Variants in PIK3C2G observed in about 807,000 individuals in gnomAD.
PIK3C2G encodes the protein phosphatidylinositol 3-kinase C2 domain-containing subunit gamma.
A neutral mutation model predicts 181.1 loss-of-function variants in PIK3C2G; 168 were observed. That is an observed-to-expected ratio of 0.93 (90% CI 0.82 to 1.05). PIK3C2G has a LOEUF of 1.05. PIK3C2G is among the 50% of genes least tolerant of loss of function. The pLI, the probability that PIK3C2G is intolerant of heterozygous loss-of-function variation, is 0.00. For synonymous variants in PIK3C2G, 573 were observed against 592.2 expected (o/e 0.97, Z 0.47); for missense variants, 1,869 against 1,732.8 (o/e 1.08, Z -1.40).
downstream of PIK3C2G, among the ~76,000 whole-genome samples, chr12:18,651,231 C>G (rs577101729): frequency 6.6e-6 from 1 of 151,910 alleles, no homozygotes; most frequent in African/African-American, 2.4e-5. Context: ...CCAAAATGTG[C>G]CTTTGTGCCC....
At chr12:18,662,583 C>A in the PIK3C2G span, among the ~76,000 whole-genome samples, 1 of 152,042 alleles carries the variant, frequency 6.6e-6, no homozygotes, top group African/African-American at 2.4e-5. Flanking sequence ...ATTATTGTAA[C>A]TTTGGTCTGC....
chr12:18,521,467 C>T (rs1942910196), intron 24 of PIK3C2G, among the ~76,000 whole-genome samples: 1 of 152,198 alleles, frequency 6.6e-6, no homozygotes, highest in African/African-American at 2.4e-5. Context: ...GGAGTTCCTA[C>T]AGGGAGGCCC....
the PIK3C2G span, among the ~76,000 whole-genome samples, chr12:18,672,152 A>G: frequency 3.3e-5 from 5 of 152,204 alleles, no homozygotes; most frequent in African/African-American, 9.6e-5. Context: ...GCAGTGGATC[A>G]TGTTTTATGG....
At chr12:18,286,016 A>T (rs1360380296) in intron 2 of PIK3C2G, among the ~76,000 whole-genome samples, 2 of 151,952 alleles carry the variant, frequency 1.3e-5, no homozygotes, top group African/African-American at 4.8e-5. Flanking sequence ...ATCAGAAAAA[A>T]ATGCTTGTAT....
chr12:18,482,361 G>A (rs940369118), intron 18 of PIK3C2G, among the ~76,000 whole-genome samples: 10 of 151,978 alleles, frequency 6.6e-5, no homozygotes, highest in Non-Finnish European at 1.0e-4. Context: ...CTCTGTGAGC[G>A]CAGATTCTCC....
At chr12:18,422,999 A>T (rs1945574457) in intron 17 of PIK3C2G, among the ~76,000 whole-genome samples, 1 of 152,002 alleles carries the variant, frequency 6.6e-6, no homozygotes, top group Non-Finnish European at 1.5e-5. Flanking sequence ...AGGAATTTAT[A>T]AACTTTCCCA....
At chr12:18,577,267 G>A (rs1449779077) in intron 29 of PIK3C2G, among the ~76,000 whole-genome samples, 1 of 152,152 alleles carries the variant, frequency 6.6e-6, no homozygotes, top group Non-Finnish European at 1.5e-5. Context: ...GCACGGCAAG[G>A]CTTAATGAAT....
At chr12:18,669,862 G>A in the PIK3C2G span, among the ~76,000 whole-genome samples, 1 of 152,030 alleles carries the variant, frequency 6.6e-6, no homozygotes, top group African/African-American at 2.4e-5. Context: ...GCAGAGACAG[G>A]GTTTCACCAC....
At chr12:18,521,424 A>C (rs900478095) in intron 24 of PIK3C2G, among the ~76,000 whole-genome samples, 9 of 152,144 alleles carry the variant, frequency 5.9e-5, no homozygotes, top group Non-Finnish European at 1.0e-4. Flanking sequence ...GGGAGATCAG[A>C]GTTCTGTCCC....
chr12:18,305,696 A>G (rs1044717055), intron 5 of PIK3C2G, among the ~76,000 whole-genome samples: 2 of 152,082 alleles, frequency 1.3e-5, no homozygotes, highest in African/African-American at 4.8e-5. Context: ...ACAAAACATT[A>G]CTCATTTATT....
intron 29 of PIK3C2G, among the ~76,000 whole-genome samples, chr12:18,570,754 G>A (rs2136373317): frequency 6.6e-6 from 1 of 150,578 alleles, no homozygotes; most frequent in East Asian, 1.9e-4. Context: ...GGTATGAGTA[G>A]AGTGAGTCAA....
In PIK3C2G at chr12:18,534,487, G is replaced by A. The variant is rs148266324; in HGVS notation, c.3324-3669G>A. Among the ~76,000 whole-genome samples the A allele has an allele frequency of 8.3e-4, 126 of 152,052 alleles. 1 individual carries two copies. In the East Asian group the frequency reaches 0.015, roughly 18 times the overall value. Reference sequence around the variant, plus strand: ...TTTTGACAACAAAAATGACAGAATCGTTACAAATATGTTTGTACTTATGGC... The same window carrying A: ...TTTTGACAACAAAAATGACAGAATCATTACAAATATGTTTGTACTTATGGC... On this transcript the variant is annotated intron_variant, in intron 24 of 32. Transcript: ENST00000538779.
At chr12:18,586,068 T>G (rs1445850215) in intron 29 of PIK3C2G, among the ~76,000 whole-genome samples, 5 of 152,172 alleles carry the variant, frequency 3.3e-5, no homozygotes, top group Admixed American at 6.5e-5. Flanking sequence ...GGGACATTTA[T>G]AGCTCTAAAC....
the PIK3C2G span, chr12:18,684,419 T>C: frequency 6.8e-6 from 5 of 730,246 alleles, no homozygotes; most frequent in African/African-American, 5.4e-5. Context: ...GTTTTTAATA[T>C]ACTCAGTGTG....
At chr12:18,390,114 T>C (rs1344540538) in intron 14 of PIK3C2G, among the ~76,000 whole-genome samples, 4 of 152,174 alleles carry the variant, frequency 2.6e-5, no homozygotes, top group African/African-American at 4.8e-5. Context: ...GGAGTAGTAA[T>C]TGATATATTG....
intron 13 of PIK3C2G, chr12:18,372,769 C>T (rs927283532): frequency 4.6e-5 from 7 of 152,168 alleles, no homozygotes; most frequent in African/African-American, 1.7e-4. Context: ...AACTAATCTT[C>T]AAGGCATTTT....
intron 1 of PIK3C2G, among the ~76,000 whole-genome samples, chr12:18,263,308 T>G (rs1293301836): frequency 2.6e-5 from 4 of 152,104 alleles, no homozygotes; most frequent in Non-Finnish European, 5.9e-5. Flanking sequence ...GAGAAAACAG[T>G]CTGTACAATA....
rs1939335422 is a variant in PIK3C2G at position 18,343,443 on chromosome 12, A to G, written c.1429+83A>G. On this transcript the variant is annotated intron_variant, in intron 10 of 32. Coordinates refer to ENST00000538779, the MANE Select transcript of PIK3C2G (RefSeq NM_001288772.2). ...CCAAAATACTTTTTTCAATTTTTTT[A>G]TGCAAATACTGTGGTAACACACAAC... is the stretch of plus-strand genomic sequence containing the variant. 1.5e-5 allele frequency: 10 copies of G among 670,406 alleles called. No individual in the cohort carries two copies. The East Asian group carries it at 2.9e-4, about 19-fold the overall frequency. The allele number at this position is 670,406 out of a possible 1,614,324, so 41.5% of individuals were successfully genotyped here.
At chr12:18,477,612 GC>G (rs1939135252) in intron 18 of PIK3C2G, among the ~76,000 whole-genome samples, 1 of 152,198 alleles carries the variant, frequency 6.6e-6, no homozygotes, top group Non-Finnish European at 1.5e-5. Context: ...AATGGTCCCA[GC>G]CAACTTTAGG....
Sources: gnomAD v4.1 joint callset for allele counts (sites outside exome capture counted in the v4.1 genomes callset) on GRCh38, gnomAD v4.1.1 for gene constraint, MANE v1.5 for transcripts, NCBI Gene and HGNC (gene_info 2026-07-23, HGNC 2026-07-21) for gene names.